The following ZNF596 variants were observed in gnomAD, a reference collection of about 807,000 sequenced individuals.
The protein encoded by ZNF596 is zinc finger protein 596.
ZNF596 carries 45 observed loss-of-function variants against 48.3 expected under a neutral mutation model. The observed-to-expected ratio is 0.93, with a 90% CI of 0.73 to 1.19. ZNF596 has a LOEUF of 1.19. ZNF596 is among the 50% of genes most tolerant of loss of function. The pLI is 0.00. For synonymous variants in ZNF596, 270 were observed against 202.0 expected (o/e 1.34, Z -2.85); for missense variants, 848 against 599.7 (o/e 1.41, Z -4.32).
chr8:243,050 G>C (rs1408214249), intron 3 of ZNF596, 37 bp downstream of exon 3: 2 of 1,550,646 alleles, frequency 1.3e-6, no homozygotes, highest in Non-Finnish European at 1.8e-6. Context: ...TGTATATACG[G>C]ATTCATTCAC....
At chr8:238,120 G>C (rs1302329393) in intron 1 of ZNF596, among the ~76,000 whole-genome samples, 2 of 152,202 alleles carry the variant, frequency 1.3e-5, no homozygotes, top group East Asian at 3.9e-4. Flanking sequence ...TGGAGATTGA[G>C]AAGCTCACAG....
intron 4 of ZNF596, 136 bp from the exon 5 acceptor site, chr8:244,483 C>T: frequency 1.5e-6 from 1 of 676,042 alleles, no homozygotes; most frequent in Non-Finnish European, 2.6e-6. Context: ...ATACTCTTCT[C>T]CTTAAAGTAT....
At position 235,691 on chromosome 8, in the gene ZNF596, T is replaced by C. The variant is rs571848704; in HGVS notation, c.-73+2997T>C. On this transcript the variant is annotated intron_variant, in intron 1 of 5. Coordinates refer to ENST00000398612, the MANE Select transcript of ZNF596 (RefSeq NM_001042416.3). ...CACAAACACACACTTCGGTGTCTTA[T>C]TATGTTTCTGCAGTGAAACCAAAAT... Among the ~76,000 whole-genome samples the C allele has an allele frequency of 5.9e-5, 9 of 152,294 alleles. No individual in the cohort carries two copies. The South Asian group carries it at 1.9e-3, about 32-fold the overall frequency.
rs773612506 is a variant in ZNF596 at position 245,650 on chromosome 8, G to A, written c.803G>A (p.Arg268Gln). Residue 268 changes from arginine (R) to glutamine (Q), a missense_variant, in exon 6 of 6, where the codon CGA (arginine) becomes CAA (glutamine). Physicochemically the swap from Arg to Gln is conservative, Grantham distance 43. Transcript: ENST00000398612. ...TTCAGTAAAAGTTCTAACCTTAGACGACATGAGATGATTCACACTAGAGAA... is the reference window on the plus strand; with the variant it reads ...TTCAGTAAAAGTTCTAACCTTAGACAACATGAGATGATTCACACTAGAGAA... ...KAFSKSSNLR[R>Q]HEMIHTREKA... 1.7e-5 allele frequency: 28 copies of A among 1,612,966 alleles called. No individual in the cohort carries two copies. The highest frequency in any genetic ancestry group is 7.7e-5 in the South Asian group (7 of 91,052).
Position 243,048 on chromosome 8 carries a change from C to T in ZNF596, c.139+35C>T, listed in dbSNP as rs186714450. 4,922 of 1,555,404 alleles carry T rather than the reference C, an allele frequency of 3.2e-3. 20 individuals are homozygous for T. The highest frequency in any genetic ancestry group is 3.6e-3 in the Non-Finnish European group (4,075 of 1,140,756). On this transcript the variant is annotated intron_variant, in intron 3 of 5. Coordinates refer to ENST00000398612, the MANE Select transcript of ZNF596 (RefSeq NM_001042416.3). ...TTTATATTTATTATGTATGTATATACGGATTCATTCACTCACTCATTTTTC... is the reference window on the plus strand; with the variant it reads ...TTTATATTTATTATGTATGTATATATGGATTCATTCACTCACTCATTTTTC...
intron 4 of ZNF596, 91 bp downstream of exon 4, chr8:243,896 T>C (rs1796955722): frequency 6.0e-6 from 7 of 1,167,276 alleles, no homozygotes; most frequent in Middle Eastern, 2.1e-4. Flanking sequence ...GAAGATTTCT[T>C]TTGTTTTTTT....
chr8:243,904 T>A (rs1350233873), intron 4 of ZNF596, 99 bp downstream of exon 4: 1 of 1,044,206 alleles, frequency 9.6e-7, no homozygotes, highest in Non-Finnish European at 1.4e-6. Context: ...CTTTTGTTTT[T>A]TTAGACAGAA....
intron 2 of ZNF596, 73 bp from the exon 3 acceptor site, chr8:242,814 T>C: frequency 1.5e-6 from 2 of 1,358,456 alleles, no homozygotes; most frequent in Non-Finnish European, 1.9e-6. Flanking sequence ...CTTAGTACAG[T>C]CACTTTGATC....
Position 243,043 on chromosome 8 carries a change from A to G in ZNF596, c.139+30A>G, listed in dbSNP as rs899091699. ...GTCTCTTTATATTTATTATGTATGT[A>G]TATACGGATTCATTCACTCACTCAT... On this transcript the variant is annotated intron_variant, in intron 3 of 5. Coordinates refer to ENST00000398612, the MANE Select transcript of ZNF596 (RefSeq NM_001042416.3). 7 of 1,570,824 alleles carry G rather than the reference A, an allele frequency of 4.5e-6. No individual in the cohort carries two copies. In the African/African-American group the frequency reaches 5.4e-5, roughly 12 times the overall value.
chr8:246,647 G>T lies in ZNF596; in HGVS notation c.*285G>T. On this transcript the variant is annotated 3_prime_UTR_variant, in exon 6 of 6. Transcript: ENST00000398612. ...AAATAAATGGGAGAAATCACATCAC[G>T]AAAATTCTGTGCCTGTCGTCAGTGT... The T allele has an allele frequency of 3.4e-6, 1 of 295,678 alleles. No individual in the cohort carries two copies. The highest frequency in any genetic ancestry group is 6.3e-5 in the East Asian group (1 of 15,868). The allele number at this position is 295,678 out of a possible 1,614,324, so 18.3% of individuals were successfully genotyped here.
intron 1 of ZNF596, chr8:233,169 T>C: frequency 2.2e-6 from 1 of 464,874 alleles, no homozygotes; most frequent in African/African-American, 2.1e-5. Context: ...ACACCGACAA[T>C]GAAGGAGAGT....
chr8:232,748 G>A (rs938290163), intron 1 of ZNF596, 54 bp downstream of exon 1: 17 of 413,092 alleles, frequency 4.1e-5, no homozygotes, highest in Non-Finnish European at 8.4e-5. Flanking sequence ...CGCCCCTCTT[G>A]GCCCCTCAGG....
chr8:244,658 T>C lies in ZNF596; in HGVS notation c.263T>C (p.Ile88Thr). 6.2e-7 allele frequency: 1 copy of C among 1,613,592 alleles called. No homozygotes were observed. Among genetic ancestry groups the C allele is most frequent in the Non-Finnish European group, 8.5e-7 (1 of 1,179,788 alleles). The part of the protein sequence containing the change: ...VGIKHQEIPF[I>T]QHIYQKGTST... ...ATTAAACATCAAGAGATACCATTCA[T>C]TCAACATATCTATCAGAAGGGCACG... is the stretch of plus-strand genomic sequence containing the variant. Residue 88 changes from isoleucine to threonine, a missense_variant, in exon 5 of 6, where the codon ATT becomes ACT. Coordinates refer to ENST00000398612, the MANE Select transcript of ZNF596 (RefSeq NM_001042416.3).
intron 5 of ZNF596, 135 bp downstream of exon 5, chr8:244,836 C>T (rs62486593): frequency 0.056 from 41,371 of 742,884 alleles, 1,408 homozygotes; most frequent in Middle Eastern, 0.063. Context: ...TTAGTGAAGA[C>T]GTTAACTTCA....
chr8:240,933 T>C, intron 2 of ZNF596, 26 bp downstream of exon 2: 1 of 1,613,916 alleles, frequency 6.2e-7, no homozygotes, highest in Non-Finnish European at 8.5e-7. Context: ...TTCTTTCTAC[T>C]GAAATTTGTA....
chr8:246,518 T>C lies in ZNF596; in HGVS notation c.*156T>C. The C allele has an allele frequency of 1.1e-6, 1 of 945,538 alleles. No individual in the cohort carries two copies. Among genetic ancestry groups the C allele is most frequent in the Non-Finnish European group, 1.5e-6 (1 of 658,960 alleles). The allele number at this position is 945,538 out of a possible 1,614,324, so 58.6% of individuals were successfully genotyped here. A position where few individuals can be genotyped will look rare whatever the true frequency, so the allele number is the denominator to read the frequency against. ...GTAGAGAGAATCCAGATGTATTTAA[T>C]GTTTATGGCACAAACTTCAGACTCT... On this transcript the variant is annotated 3_prime_UTR_variant, in exon 6 of 6. Transcript: ENST00000398612.
Position 240,809 on chromosome 8 carries a change from T to C in ZNF596, c.-72-15T>C. ...GTGTCATGGTTTTTTTGTTTTTGTTTTTGTTTTTGCTCAGATTTGTCTTCT... is the reference window on the plus strand; with the variant it reads ...GTGTCATGGTTTTTTTGTTTTTGTTCTTGTTTTTGCTCAGATTTGTCTTCT... On this transcript the variant is annotated splice_polypyrimidine_tract_variant and intron_variant, in intron 1 of 5. Coordinates refer to ENST00000398612, the MANE Select transcript of ZNF596 (RefSeq NM_001042416.3). The C allele has an allele frequency of 6.4e-7, 1 of 1,564,422 alleles. No homozygotes were observed. Among genetic ancestry groups the C allele is most frequent in the East Asian group, 2.2e-5 (1 of 44,592 alleles).
chr8:240,568 A>G (rs10488368), intron 1 of ZNF596: 33,417 of 297,896 alleles, frequency 0.11, 2,581 homozygotes, highest in East Asian at 0.34. Flanking sequence ...TAAACATTTC[A>G]GAATTCCATG....
chr8:236,020 T>G (rs1231678829), intron 1 of ZNF596, among the ~76,000 whole-genome samples: 2 of 152,228 alleles, frequency 1.3e-5, no homozygotes. Flanking sequence ...TAAGTCTAGG[T>G]TGCCCTGAGT....
Sources: gnomAD v4.1 joint callset for allele counts (sites outside exome capture counted in the v4.1 genomes callset) on GRCh38, gnomAD v4.1.1 for gene constraint, MANE v1.5 for transcripts, NCBI Gene and HGNC (gene_info 2026-07-23, HGNC 2026-07-21) for gene names.